The following EPHA5 variants were observed in gnomAD, a reference collection of about 807,000 sequenced individuals.
EPHA5 encodes EPH receptor A5, also known as ephrin type-A receptor 5.
A neutral mutation model predicts 105.0 loss-of-function variants in EPHA5; 60 were observed. The ratio of observed to expected loss-of-function variants is 0.57; its 90% CI spans 0.46 to 0.71. The LOEUF is 0.71. Among genes scored for constraint, EPHA5 ranks in the 30% least tolerant of loss-of-function variants. EPHA5 has a pLI of 0.00. For synonymous variants in EPHA5, 513 were observed against 449.1 expected (o/e 1.14, Z -1.80); for missense variants, 1,218 against 1,274.7 (o/e 0.96, Z 0.68).
chr4:65,643,430 G>A lies in EPHA5; in HGVS notation c.182-3C>T, dbSNP rs779300769. On this transcript the variant is annotated splice_region_variant and splice_polypyrimidine_tract_variant and intron_variant, in intron 1 of 16. Transcript: ENST00000613740. ...AGTGCGTGAATCCAATAAATTCACT[G>A]AAAAGAAAAGAACAAAAAACTCAGT... The A allele has an allele frequency of 6.2e-7, 1 of 1,611,134 alleles. No individual in the cohort carries two copies. The highest frequency in any genetic ancestry group is 1.7e-5 in the Admixed American group (1 of 59,866).
intron 3 of EPHA5, among the ~76,000 whole-genome samples, chr4:65,506,120 A>G (rs1417101576): frequency 2.0e-5 from 3 of 151,974 alleles, no homozygotes; most frequent in Non-Finnish European, 4.4e-5. Context: ...TTGTCCTTGC[A>G]ATAGTTTGCT....
chr4:65,581,382 A>G (rs534826229), intron 3 of EPHA5, among the ~76,000 whole-genome samples: 1 of 151,816 alleles, frequency 6.6e-6, no homozygotes, highest in African/African-American at 2.4e-5. Context: ...TAAGAAGTCA[A>G]AAGATTAGAG....
At chr4:65,555,339 G>A (rs779910661) in intron 3 of EPHA5, among the ~76,000 whole-genome samples, 9 of 151,846 alleles carry the variant, frequency 5.9e-5, no homozygotes, top group Non-Finnish European at 1.0e-4. Context: ...TTTGAAAATC[G>A]TGATTTTAAA....
intron 2 of EPHA5, among the ~76,000 whole-genome samples, chr4:65,618,137 G>A (rs995263384): frequency 1.3e-5 from 2 of 152,118 alleles, no homozygotes; most frequent in African/African-American, 4.8e-5. Flanking sequence ...GACACAGATT[G>A]TCTTCCACTT....
chr4:65,616,007 A>G (rs1438012270), intron 2 of EPHA5, among the ~76,000 whole-genome samples: 1 of 151,986 alleles, frequency 6.6e-6, no homozygotes, highest in African/African-American at 2.4e-5. Flanking sequence ...AGTTTTGTTT[A>G]TGGTAGCCGA....
chr4:65,506,419 C>T (rs1158212536), intron 3 of EPHA5, among the ~76,000 whole-genome samples: 2 of 145,534 alleles, frequency 1.4e-5, no homozygotes, highest in South Asian at 2.2e-4. Flanking sequence ...CCTGAGGAAT[C>T]GCCACACTGT....
rs144634652 is a variant in EPHA5 at position 65,427,391 on chromosome 4, C to T, written c.1403-6826G>A. Among the ~76,000 whole-genome samples, 677 of 152,010 alleles carry T rather than the reference C, an allele frequency of 4.5e-3. 5 individuals are homozygous for T. Among genetic ancestry groups the T allele is most frequent in the African/African-American group, 0.016 (651 of 41,462 alleles). ...TAGAGACAGGGTTTCATCATCTTGG[C>T]CAGGCTGGTCTCGACTCCTGACCTC... On this transcript the variant is annotated intron_variant, in intron 5 of 16. Coordinates refer to ENST00000613740, the MANE Select transcript of EPHA5 (RefSeq NM_001281766.3).
chr4:65,461,328 A>G (rs1728101900), intron 5 of EPHA5, among the ~76,000 whole-genome samples: 1 of 151,884 alleles, frequency 6.6e-6, no homozygotes, highest in Non-Finnish European at 1.5e-5. Flanking sequence ...TTTTATTTTT[A>G]TGCAGTTTAT....
intron 3 of EPHA5, among the ~76,000 whole-genome samples, chr4:65,524,175 G>A (rs957999348): frequency 8.6e-5 from 13 of 151,690 alleles, no homozygotes; most frequent in African/African-American, 3.1e-4. Context: ...AGAGAATTTA[G>A]AGCACTATAA....
At chr4:65,525,083 T>G (rs1309828218) in intron 3 of EPHA5, among the ~76,000 whole-genome samples, 1 of 151,794 alleles carries the variant, frequency 6.6e-6, no homozygotes, top group Non-Finnish European at 1.5e-5. Context: ...TCTCATGCCT[T>G]AAGAAAACCC....
intron 3 of EPHA5, among the ~76,000 whole-genome samples, chr4:65,536,438 A>G (rs1256282108): frequency 1.3e-5 from 2 of 152,026 alleles, no homozygotes; most frequent in East Asian, 1.9e-4. Context: ...GGTCTAGGGT[A>G]TAAGTGAAAC....
intron 16 of EPHA5, among the ~76,000 whole-genome samples, chr4:65,329,314 G>A (rs551579425): frequency 5.2e-4 from 79 of 151,376 alleles, no homozygotes; most frequent in African/African-American, 1.9e-3. Flanking sequence ...AATATGCTTT[G>A]ACTCTCAGAC....
At chr4:65,329,293 C>T (rs945284113) in intron 16 of EPHA5, among the ~76,000 whole-genome samples, 1 of 151,266 alleles carries the variant, frequency 6.6e-6, no homozygotes, top group African/African-American at 2.4e-5. Context: ...AGATTGAAAG[C>T]CACTTTCATG....
chr4:65,333,637 G>C (rs1186542446), intron 15 of EPHA5, among the ~76,000 whole-genome samples: 1 of 68,108 alleles, frequency 1.5e-5, no homozygotes, highest in African/African-American at 6.1e-5. Flanking sequence ...TTTTTTTCCT[G>C]ACTTTAAAAC....
chr4:65,408,071 A>G (rs1722538714), intron 7 of EPHA5, among the ~76,000 whole-genome samples: 1 of 152,168 alleles, frequency 6.6e-6, no homozygotes, highest in Admixed American at 6.6e-5. Flanking sequence ...TTTGTGAGCT[A>G]TTTCTAATAA....
intron 2 of EPHA5, among the ~76,000 whole-genome samples, chr4:65,619,680 T>G (rs940830837): frequency 1.3e-5 from 2 of 152,006 alleles, no homozygotes; most frequent in African/African-American, 4.8e-5. Flanking sequence ...GAATTAAACA[T>G]TCAGCCAGAG....
chr4:65,592,556 A>C (rs1270334734), intron 3 of EPHA5, among the ~76,000 whole-genome samples: 1 of 152,194 alleles, frequency 6.6e-6, no homozygotes, highest in East Asian at 1.9e-4. Context: ...AAAAATTTAC[A>C]CAAGGAAAGC....
At chr4:65,474,037 G>T (rs1313419321) in intron 5 of EPHA5, among the ~76,000 whole-genome samples, 1 of 150,832 alleles carries the variant, frequency 6.6e-6, no homozygotes, top group Admixed American at 6.6e-5. Context: ...GGGGGAGAGG[G>T]GAGGGATAGC....
intron 3 of EPHA5, among the ~76,000 whole-genome samples, chr4:65,506,367 T>C (rs1733024552): frequency 6.8e-6 from 1 of 147,180 alleles, no homozygotes. Flanking sequence ...ATATACCCAG[T>C]AATGGGATGG....
Sources: gnomAD v4.1 joint callset for allele counts (sites outside exome capture counted in the v4.1 genomes callset) on GRCh38, gnomAD v4.1.1 for gene constraint, MANE v1.5 for transcripts, NCBI Gene and HGNC (gene_info 2026-07-23, HGNC 2026-07-21) for gene names.